SPON2: variants seen among roughly 807,000 people sequenced by gnomAD.
SPON2 encodes the protein spondin-2.
In SPON2, 32 loss-of-function variants were observed where a neutral mutation model predicts 29.9. That is an observed-to-expected ratio of 1.07 (90% CI 0.81 to 1.44). The LOEUF is 1.44. SPON2 is among the 40% of genes most tolerant of loss of function. The pLI, the probability that SPON2 is intolerant of heterozygous loss-of-function variation, is 0.00. For missense variants in SPON2, 541 were observed against 455.5 expected (o/e 1.19, Z -1.71); for synonymous variants, 248 against 209.1 (o/e 1.19, Z -1.61).
upstream of SPON2, among the ~76,000 whole-genome samples, chr4:1,197,814 T>C (rs1728102064): frequency 6.6e-6 from 1 of 152,106 alleles, no homozygotes; most frequent in Non-Finnish European, 1.5e-5. Context: ...TTTGGGAGGC[T>C]GAGGTGTGCA....
intron 1 of SPON2, among the ~76,000 whole-genome samples, chr4:1,188,636 A>G (rs1185500737): frequency 6.6e-6 from 1 of 152,238 alleles, no homozygotes; most frequent in Non-Finnish European, 1.5e-5. Context: ...CACCGTTATC[A>G]ACATATGTGC....
chr4:1,186,243 CAAA>C (rs1269849796), intron 1 of SPON2, among the ~76,000 whole-genome samples: 1 of 61,756 alleles, frequency 1.6e-5, no homozygotes. Flanking sequence ...GACTCCGTCT[CAAA>C]AAAAAAAAAA....
chr4:1,201,351 C>T (rs1728200371), intron 1 of SPON2: 1 of 341,442 alleles, frequency 2.9e-6, no homozygotes, highest in Admixed American at 3.8e-5. Flanking sequence ...CCTGAAGAGG[C>T]TGTGGGTTTC....
At chr4:1,184,448 G>GA (rs1727754837) in intron 1 of SPON2, among the ~76,000 whole-genome samples, 1 of 152,078 alleles carries the variant, frequency 6.6e-6, no homozygotes. Flanking sequence ...AACCAAAACC[G>GA]AAAGAGAGCA....
chr4:1,178,894 C>G (rs1316602405), intron 2 of SPON2, among the ~76,000 whole-genome samples: 1 of 152,106 alleles, frequency 6.6e-6, no homozygotes, highest in African/African-American at 2.4e-5. Context: ...TGTGCAGGAA[C>G]CCGCCACCCC....
At chr4:1,183,567 G>A (rs1272461867) in intron 1 of SPON2, among the ~76,000 whole-genome samples, 1 of 152,156 alleles carries the variant, frequency 6.6e-6, no homozygotes, top group Non-Finnish European at 1.5e-5. Context: ...ACTTTGGTTT[G>A]TAACTCCACG....
chr4:1,204,375 A>C (rs1250495781), intron 1 of SPON2, among the ~76,000 whole-genome samples: 1 of 152,158 alleles, frequency 6.6e-6, no homozygotes, highest in Non-Finnish European at 1.5e-5. Context: ...CCAGAATATT[A>C]GACGGGCACT....
chr4:1,199,775 G>A (rs915345780), upstream of SPON2: 1 of 152,452 alleles, frequency 6.6e-6, no homozygotes, highest in Non-Finnish European at 1.5e-5. The surrounding 1 kb of genome is among the most constrained non-coding windows in gnomAD (Gnocchi z 4.5). Flanking sequence ...GCTGGCAGGA[G>A]GGGCCGGGGC....
chr4:1,188,925 C>T (rs1455031381), intron 1 of SPON2, among the ~76,000 whole-genome samples: 1 of 152,016 alleles, frequency 6.6e-6, no homozygotes, highest in African/African-American at 2.4e-5. Context: ...CAGAATAAAC[C>T]CGATGTTGTC....
At chr4:1,201,863 G>A (rs1028900809) in intron 1 of SPON2, among the ~76,000 whole-genome samples, 2 of 152,176 alleles carry the variant, frequency 1.3e-5, no homozygotes, top group South Asian at 2.1e-4. Flanking sequence ...GATTACAGGC[G>A]TGAGCCACCT....
rs370293578 is a variant in SPON2, at chr4:1,169,482, C to G, written c.811+920G>C. ...TGGGGAGTGGTTCCCGCCAGCCAGG[C>G]GGCCTCCTGTCTGACCTGACCTGGC... On this transcript the variant is annotated intron_variant, in intron 5 of 5. Transcript: ENST00000290902. Among the ~76,000 whole-genome samples the G allele has an allele frequency of 1.7e-3, 265 of 152,274 alleles. 9 individuals are homozygous for G. The South Asian group carries it at 0.051, about 29-fold the overall frequency.
rs147848866 is a variant in SPON2 at position 1,168,616 on chromosome 4, C to T, written c.812-960G>A. Reference sequence around the variant, plus strand: ...GCCAGAGAGCCAGGGCCCCGGGCAGCCCACCTGGGGAGCACACAGAGCTGC... The same window carrying T: ...GCCAGAGAGCCAGGGCCCCGGGCAGTCCACCTGGGGAGCACACAGAGCTGC... On this transcript the variant is annotated intron_variant, in intron 5 of 5. Transcript: ENST00000290902. Among the ~76,000 whole-genome samples, 659 of 152,334 alleles carry T rather than the reference C, an allele frequency of 4.3e-3. 5 individuals are homozygous for T. The highest frequency in any genetic ancestry group is 0.019 in the East Asian group (99 of 5,190).
At chr4:1,205,610 G>A (rs1256702081) in intron 1 of SPON2, among the ~76,000 whole-genome samples, 1 of 152,152 alleles carries the variant, frequency 6.6e-6, no homozygotes, top group Non-Finnish European at 1.5e-5. Flanking sequence ...CCAAGCATCC[G>A]AGGCTTTTGC....
At chr4:1,177,703 C>A (rs149402494), upstream of SPON2, among the ~76,000 whole-genome samples, 371 of 152,248 alleles carry the variant, frequency 2.4e-3, 2 homozygotes, top group African/African-American at 8.7e-3. Flanking sequence ...GGCATGGGGG[C>A]CCTCAGGGTC....
At chr4:1,200,703 T>C (rs1728176961) in intron 1 of SPON2, 1 of 415,908 alleles carries the variant, frequency 2.4e-6, no homozygotes, top group South Asian at 1.7e-5. Context: ...AACTCTCCCA[T>C]CTGCGTGGAC....
intron 2 of SPON2, 93 bp from the exon 3 acceptor site, chr4:1,171,579 G>A: frequency 3.8e-6 from 5 of 1,299,604 alleles, no homozygotes; most frequent in Middle Eastern, 2.5e-4. Context: ...CCTCCCCGCC[G>A]CCCGCAGGGA....
chr4:1,183,177 G>T (rs1476597265), intron 1 of SPON2, among the ~76,000 whole-genome samples: 1 of 151,110 alleles, frequency 6.6e-6, no homozygotes, highest in Admixed American at 6.6e-5. Context: ...GGGAGGTGGA[G>T]GTTGCAGTCA....
At chr4:1,195,456 C>T (rs111260367), upstream of SPON2, among the ~76,000 whole-genome samples, 11 of 151,472 alleles carry the variant, frequency 7.3e-5, no homozygotes, top group Admixed American at 5.9e-4. Context: ...CCTAAGTCCT[C>T]GGCCCCTTGG....
chr4:1,205,104 C>T (rs61745793), intron 1 of SPON2: 1,581 of 152,788 alleles, frequency 0.01, 27 homozygotes, highest in African/African-American at 0.036. Context: ...TGAGGCCTGG[C>T]CTGTCCCTGT....
Sources: allele counts gnomAD v4.1 joint callset (sites outside exome capture counted in the v4.1 genomes callset), GRCh38; gene constraint gnomAD v4.1.1; non-coding constraint Gnocchi (gnomAD v3.1); transcripts MANE v1.5; gene names NCBI Gene and HGNC (gene_info 2026-07-23, HGNC 2026-07-21).